IFFO2: variants seen among roughly 807,000 people sequenced by gnomAD.
IFFO2 encodes the protein intermediate filament family orphan 2.
Under a neutral mutation model 53.5 loss-of-function variants are expected in IFFO2, and 19 were observed. That is an observed-to-expected ratio of 0.36 (90% CI 0.25 to 0.52). The LOEUF is 0.52. Ranked by LOEUF, IFFO2 falls within the 20% of genes least tolerant of loss-of-function variation. The pLI is 0.94. For missense variants in IFFO2, 570 were observed against 727.4 expected (o/e 0.78, Z 2.49); for synonymous variants, 303 against 313.6 (o/e 0.97, Z 0.36).
Position 18,905,688 on chromosome 1 carries a change from AGT to A in IFFO2, c.*2871_*2872del, listed in dbSNP as rs34644668. 0.26 allele frequency: 37,499 copies of A among 145,984 alleles called. 6,081 individuals are homozygous for A. The highest frequency in any genetic ancestry group is 0.47 in the African/African-American group (18,641 of 39,978). 9.0% of individuals were successfully genotyped at this position (145,984 alleles called of 1,614,324 possible). ...CTGTTCGGAGTCTCAGAGGAGTGCG[AGT>A]GTGTGTGTGTGTGTGTGTGTGTGTG... On this transcript the variant is annotated 3_prime_UTR_variant, in exon 9 of 9. Transcript: ENST00000455833.
intron 2 of IFFO2, among the ~76,000 whole-genome samples, chr1:18,920,549 T>C (rs1324154699): frequency 3.9e-5 from 6 of 152,156 alleles, no homozygotes; most frequent in African/African-American, 1.4e-4. Context: ...GTGGGGGAGT[T>C]GCAGAGCCCA....
rs1337082752 is a variant in IFFO2, at chr1:18,917,725, A to G, written c.963+637T>C. On this transcript the variant is annotated intron_variant, in intron 4 of 8. Coordinates refer to ENST00000455833, the MANE Select transcript of IFFO2 (RefSeq NM_001136265.2). This position sits in a 1 kb window ranked among gnomAD's most constrained non-coding sequence, Gnocchi z 5.9. ...GAAACTCAAGAAGCAGCCTTCGGAG[A>G]ATGACATGTGCCTCATTCGGCTGGA... Among the ~76,000 whole-genome samples, 1 of 152,080 alleles carries G rather than the reference A, an allele frequency of 6.6e-6. No homozygotes were observed. Among genetic ancestry groups the G allele is most frequent in the South Asian group, 2.1e-4 (1 of 4,828 alleles).
chr1:18,947,254 G>A lies in IFFO2; in HGVS notation c.665+8414C>T, dbSNP rs1433742572. Among the ~76,000 whole-genome samples the A allele has an allele frequency of 2.0e-5, 3 of 152,218 alleles. No homozygotes were observed. The highest frequency in any genetic ancestry group is 7.2e-5 in the African/African-American group (3 of 41,462). On this transcript the variant is annotated intron_variant, in intron 1 of 8. Coordinates refer to ENST00000455833, the MANE Select transcript of IFFO2 (RefSeq NM_001136265.2). This position sits in a 1 kb window ranked among gnomAD's most constrained non-coding sequence, Gnocchi z 5.0. The stretch of plus-strand genomic sequence containing the variant: ...GGATACTCCAGCCCAGGGCGGAGGC[G>A]AGCTCCCAAACAGCCACCAGAATGC...
intron 1 of IFFO2, among the ~76,000 whole-genome samples, chr1:18,931,972 C>T (rs188791754): frequency 6.6e-4 from 100 of 152,340 alleles, no homozygotes; most frequent in Middle Eastern, 3.4e-3. Context: ...TATTTCTCAG[C>T]GCCAGAGAAC....
intron 1 of IFFO2, among the ~76,000 whole-genome samples, chr1:18,932,931 C>T (rs1479716112): frequency 5.9e-5 from 9 of 152,194 alleles, no homozygotes; most frequent in East Asian, 1.9e-4. Flanking sequence ...CCTTCATGAG[C>T]GAGCGTTGGG....
chr1:18,930,560 A>AC (rs1936362951), intron 1 of IFFO2, among the ~76,000 whole-genome samples: 1 of 152,162 alleles, frequency 6.6e-6, no homozygotes, highest in African/African-American at 2.4e-5. Flanking sequence ...CCATAGACAT[A>AC]CCCCAGGAAC....
chr1:18,912,922 C>A (rs28489396), intron 5 of IFFO2, among the ~76,000 whole-genome samples: 16,934 of 152,232 alleles, frequency 0.11, 999 homozygotes, highest in Non-Finnish European at 0.12. Context: ...CCCAAGATGC[C>A]TTGGTTACCC....
chr1:18,919,920 C>T lies in IFFO2; in HGVS notation c.727-147G>A. The T allele has an allele frequency of 8.2e-6, 5 of 610,850 alleles. No homozygotes were observed. The highest frequency in any genetic ancestry group is 1.5e-5 in the Non-Finnish European group (5 of 342,268). The allele number at this position is 610,850 out of a possible 1,614,324, so 37.8% of individuals were successfully genotyped here. A position where few individuals can be genotyped will look rare whatever the true frequency, so the allele number is the denominator to read the frequency against. On this transcript the variant is annotated intron_variant, in intron 2 of 8. Transcript: ENST00000455833. The surrounding 1 kb of genome is among the most constrained non-coding windows in gnomAD (Gnocchi z 4.9). ...AGGGAAGGGGCACCAAGGACCTCAT[C>T]CCAGCCTGACTTCCCACTGAACACT...
Position 18,918,594 on chromosome 1 carries a change from A to T in IFFO2, c.823-92T>A. On this transcript the variant is annotated intron_variant, in intron 3 of 8. Transcript: ENST00000455833. The surrounding 1 kb of genome is among the most constrained non-coding windows in gnomAD (Gnocchi z 5.2). The stretch of plus-strand genomic sequence containing the variant: ...GGTGGGGAGACCCCTAGGTGTCAGC[A>T]GGGGTGGTGCGGGGAGGCCTCCAGA... The T allele has an allele frequency of 2.4e-6, 3 of 1,231,244 alleles. No homozygotes were observed. The highest frequency in any genetic ancestry group is 1.6e-5 in the African/African-American group (1 of 63,920). The allele number at this position is 1,231,244 out of a possible 1,614,324, so 76.3% of individuals were successfully genotyped here.
In IFFO2 at chr1:18,918,874, C is replaced by T. The variant is rs932958725; in HGVS notation, c.823-372G>A. ...CGGCACACCCCACCTGTCCCCCACACAGGCAGCTCTCTCTCCTGGATGCCT... is the reference window on the plus strand; with the variant it reads ...CGGCACACCCCACCTGTCCCCCACATAGGCAGCTCTCTCTCCTGGATGCCT... On this transcript the variant is annotated intron_variant, in intron 3 of 8. Coordinates refer to ENST00000455833, the MANE Select transcript of IFFO2 (RefSeq NM_001136265.2). The surrounding 1 kb of genome is among the most constrained non-coding windows in gnomAD (Gnocchi z 5.2). 2.0e-5 allele frequency among the ~76,000 whole-genome samples: 3 copies of T among 152,156 alleles called. No homozygotes were observed. Among genetic ancestry groups the T allele is most frequent in the African/African-American group, 7.2e-5 (3 of 41,432 alleles).
At chr1:18,955,196 A>G (rs1453836265) in intron 1 of IFFO2, among the ~76,000 whole-genome samples, 1 of 152,118 alleles carries the variant, frequency 6.6e-6, no homozygotes, top group African/African-American at 2.4e-5. Context: ...CTTCCTTGGT[A>G]AAAATACTTA....
In IFFO2 at chr1:18,911,369, G is replaced by T; in HGVS notation, c.1317+15C>A. On this transcript the variant is annotated intron_variant, in intron 7 of 8. Coordinates refer to ENST00000455833, the MANE Select transcript of IFFO2 (RefSeq NM_001136265.2). ...GGAGAGCCTCACGAGTGGGCTCCAC[G>T]TCCCGAGCCCTCACCTCGATCTGAC... 1 of 1,416,564 alleles carries T rather than the reference G, an allele frequency of 7.1e-7. No homozygotes were observed. The highest frequency in any genetic ancestry group is 9.5e-7 in the Non-Finnish European group (1 of 1,053,856). 87.7% of individuals were successfully genotyped at this position (1,416,564 alleles called of 1,614,324 possible).
chr1:18,908,266 A>G lies in IFFO2; in HGVS notation c.*295T>C. 1 of 388,456 alleles carries G rather than the reference A, an allele frequency of 2.6e-6. No homozygotes were observed. Among genetic ancestry groups the G allele is most frequent in the Non-Finnish European group, 4.9e-6 (1 of 204,012 alleles). The allele number at this position is 388,456 out of a possible 1,614,324, so 24.1% of individuals were successfully genotyped here. A position where few individuals can be genotyped will look rare whatever the true frequency, so the allele number is the denominator to read the frequency against. Reference sequence around the variant, plus strand: ...AGCTCAAAGTGGCTCAGCTTAAGGGAGAAGGCACAGTTAACACTGCAAAGT... The same window carrying G: ...AGCTCAAAGTGGCTCAGCTTAAGGGGGAAGGCACAGTTAACACTGCAAAGT... On this transcript the variant is annotated 3_prime_UTR_variant, in exon 9 of 9. Transcript: ENST00000455833.
chr1:18,909,498 C>T (rs1936000935), intron 8 of IFFO2, among the ~76,000 whole-genome samples: 1 of 152,152 alleles, frequency 6.6e-6, no homozygotes, highest in Admixed American at 6.5e-5. Context: ...CTCCCATAAT[C>T]CCCACGTGTC....
chr1:18,922,597 C>G (rs1936230943), intron 1 of IFFO2, among the ~76,000 whole-genome samples: 2 of 152,206 alleles, frequency 1.3e-5, no homozygotes, highest in Non-Finnish European at 2.9e-5. Flanking sequence ...TTTTCTCCAG[C>G]CTTTCCCAGC....
chr1:18,913,821 T>C (rs954082609), intron 5 of IFFO2, among the ~76,000 whole-genome samples: 1 of 110,178 alleles, frequency 9.1e-6, no homozygotes, highest in African/African-American at 2.9e-5. Context: ...GTTGTTGTTG[T>C]TGTTTTTTTG....
rs937456998 is a variant in IFFO2 at position 18,917,038 on chromosome 1, A to G, written c.968T>C (p.Val323Ala). 23 of 1,551,912 alleles carry G rather than the reference A, an allele frequency of 1.5e-5. No individual in the cohort carries two copies. The highest frequency in any genetic ancestry group is 2.0e-5 in the Non-Finnish European group (23 of 1,147,028). ...SEDVSKIFQV[V>A]PKKKERKVAS... ...CACCTTACGCTCTTTCTTTTTGGGG[A>G]CCACCTGAACCGGAAAGGAAGCAAT... Residue 323 changes from valine to alanine, a missense_variant, in exon 5 of 9, where the codon GTC (valine) becomes GCC (alanine). Physicochemically the swap from Val to Ala is moderately conservative, Grantham distance 64. Coordinates refer to ENST00000455833, the MANE Select transcript of IFFO2 (RefSeq NM_001136265.2). This position sits in a 1 kb window ranked among gnomAD's most constrained non-coding sequence, Gnocchi z 5.9.
intron 1 of IFFO2, among the ~76,000 whole-genome samples, chr1:18,940,671 G>A (rs1235813150): frequency 6.6e-6 from 1 of 152,154 alleles, no homozygotes. Context: ...TGGCAAAGAA[G>A]AGCAGAAGGT....
Position 18,913,919 on chromosome 1 carries a change from C to CT in IFFO2, c.1104-1837_1104-1836insA, listed in dbSNP as rs747231371. ...GATCTCGGCTCACTGCAGGCTCCGC[C>CT]CCCTGGGGTTCACGCCATTCTCCTG... On this transcript the variant is annotated intron_variant, in intron 5 of 8. Transcript: ENST00000455833. 4.7e-3 allele frequency among the ~76,000 whole-genome samples: 722 copies of CT among 152,282 alleles called. 3 individuals are homozygous for CT. Among genetic ancestry groups the CT allele is most frequent in the Non-Finnish European group, 6.1e-3 (416 of 68,022 alleles).
Sources: gnomAD v4.1 joint callset for allele counts (sites outside exome capture counted in the v4.1 genomes callset) on GRCh38, gnomAD v4.1.1 for gene constraint, Gnocchi (gnomAD v3.1) non-coding constraint, MANE v1.5 for transcripts, NCBI Gene and HGNC (gene_info 2026-07-23, HGNC 2026-07-21) for gene names.